Variants in WDR12 observed in about 807,000 individuals in gnomAD.
WDR12 encodes WD repeat domain 12.
A neutral mutation model predicts 64.3 loss-of-function variants in WDR12; 42 were observed. The observed-to-expected ratio is 0.65, with a 90% CI of 0.51 to 0.84. The LOEUF is 0.84. WDR12 is among the 40% of genes least tolerant of loss of function. The pLI is 0.00. For missense variants in WDR12, 469 were observed against 494.6 expected, an observed-to-expected ratio of 0.95 and a Z score of 0.49; for synonymous variants, 158 against 173.3, an observed-to-expected ratio of 0.91 and a Z score of 0.70.
chr2:202,896,493 C>A (rs1394806913), intron 5 of WDR12, among the ~76,000 whole-genome samples: 1 of 151,750 alleles, frequency 6.6e-6, no homozygotes, highest in Non-Finnish European at 1.5e-5. Flanking sequence ...GAGTTTGAGA[C>A]CAGCCTGGCC....
At chr2:202,901,192 C>T in intron 2 of WDR12, 73 bp from the exon 3 acceptor site, 1 of 1,084,266 alleles carries the variant, frequency 9.2e-7, no homozygotes, top group Non-Finnish European at 1.3e-6. Context: ...ATGAGAACTC[C>T]CAAAACAAAC....
intron 2 of WDR12, among the ~76,000 whole-genome samples, chr2:202,907,610 C>G (rs1394142902): frequency 6.6e-6 from 1 of 152,162 alleles, no homozygotes; most frequent in Non-Finnish European, 1.5e-5. Context: ...ATACCAAAAT[C>G]TTTATTCCTT....
Position 202,894,571 on chromosome 2 carries a change from T to A in WDR12, c.655+10A>T, listed in dbSNP as rs895222153. 6.3e-7 allele frequency: 1 copy of A among 1,596,154 alleles called. No individual in the cohort carries two copies. Among genetic ancestry groups the A allele is most frequent in the South Asian group, 1.1e-5 (1 of 87,760 alleles). On this transcript the variant is annotated intron_variant, in intron 7 of 12. Coordinates refer to ENST00000261015, the MANE Select transcript of WDR12 (RefSeq NM_018256.4). ...TTATTAAGTCAAGGTAAAATAAATA[T>A]TTAATTTACCTGTAGACCAGATCTT...
At chr2:202,882,519 G>C (rs532878710) in intron 12 of WDR12, among the ~76,000 whole-genome samples, 192 bp downstream of exon 12, 268 of 152,068 alleles carry the variant, frequency 1.8e-3, no homozygotes, top group Non-Finnish European at 3.1e-3. Context: ...TAGTAGAGAC[G>C]GGGTTCCACC....
At chr2:202,901,243 T>A in intron 2 of WDR12, 124 bp from the exon 3 acceptor site, 1 of 518,220 alleles carries the variant, frequency 1.9e-6, no homozygotes, top group Non-Finnish European at 3.2e-6. Context: ...TTCTCTGTGA[T>A]TTTTAAGATC....
intron 8 of WDR12, among the ~76,000 whole-genome samples, chr2:202,884,953 T>C (rs1186823527): frequency 6.6e-6 from 1 of 152,036 alleles, no homozygotes; most frequent in South Asian, 2.1e-4. Flanking sequence ...ATACAGTTTC[T>C]CCCCCCCTCT....
intron 8 of WDR12, among the ~76,000 whole-genome samples, chr2:202,890,819 A>G (rs920971485): frequency 8.0e-5 from 12 of 150,530 alleles, no homozygotes; most frequent in South Asian, 6.3e-4. Flanking sequence ...TTTAAGCTAC[A>G]TGCCAAACTT....
intron 7 of WDR12, among the ~76,000 whole-genome samples, chr2:202,894,182 G>A (rs1435702454): frequency 6.6e-6 from 1 of 150,638 alleles, no homozygotes; most frequent in African/African-American, 2.4e-5. Context: ...TCTTTTTATG[G>A]CAAAATATGG....
At chr2:202,882,545 G>C (rs1185000677) in intron 12 of WDR12, among the ~76,000 whole-genome samples, 166 bp downstream of exon 12, 1 of 152,034 alleles carries the variant, frequency 6.6e-6, no homozygotes, top group African/African-American at 2.4e-5. Context: ...AGTCAGGATG[G>C]CCTCGATCTC....
At chr2:202,897,925 A>ATATATATATAT (rs1553541969) in intron 4 of WDR12, among the ~76,000 whole-genome samples, 1 of 68,404 alleles carries the variant, frequency 1.5e-5, no homozygotes, top group African/African-American at 4.2e-5. Flanking sequence ...ATATATATAT[A>ATATATATATAT]AAAAATATAT....
chr2:202,894,445 C>T (rs1157603845), intron 7 of WDR12, 136 bp downstream of exon 7: 2 of 650,648 alleles, frequency 3.1e-6, no homozygotes, highest in African/African-American at 1.9e-5. Flanking sequence ...TGCTCTTGAA[C>T]TCGTGGCCTC....
chr2:202,884,120 T>A (rs1177204175), intron 10 of WDR12, 78 bp downstream of exon 10: 1 of 1,470,486 alleles, frequency 6.8e-7, no homozygotes, highest in Admixed American at 2.0e-5. Flanking sequence ...CAGAAATTCC[T>A]TTTTTTGTAC....
At position 202,907,963 on chromosome 2, in the gene WDR12, T is replaced by C; in HGVS notation, c.42-4A>G. 6.2e-7 allele frequency: 1 copy of C among 1,612,826 alleles called. No individual in the cohort carries two copies. Among genetic ancestry groups the C allele is most frequent in the Non-Finnish European group, 8.5e-7 (1 of 1,178,906 alleles). On this transcript the variant is annotated splice_polypyrimidine_tract_variant and splice_region_variant and intron_variant, in intron 1 of 12. Coordinates refer to ENST00000261015, the MANE Select transcript of WDR12 (RefSeq NM_018256.4). ...GGGAACATCATCTACGGCATATCTA[T>C]AAAAAGGAAATGATATGTCAAGATC...
At chr2:202,906,089 GATT>G in intron 2 of WDR12, among the ~76,000 whole-genome samples, 2 of 152,262 alleles carry the variant, frequency 1.3e-5, no homozygotes, top group East Asian at 3.9e-4. Flanking sequence ...ACCCTGATGT[GATT>G]ATTACACCTT....
At chr2:202,904,239 GAATTT>G (rs1341846454) in intron 2 of WDR12, among the ~76,000 whole-genome samples, 1 of 146,414 alleles carries the variant, frequency 6.8e-6, no homozygotes, top group Non-Finnish European at 1.5e-5. Flanking sequence ...TGGATTGGAA[GAATTT>G]AATATTGTTA....
chr2:202,892,317 T>G (rs1390526061), intron 8 of WDR12, among the ~76,000 whole-genome samples: 1 of 152,166 alleles, frequency 6.6e-6, no homozygotes, highest in Non-Finnish European at 1.5e-5. Context: ...TTCACTTTAG[T>G]GTAAGTTTTA....
Position 202,880,106 on chromosome 2 carries a change from A to G in WDR12, c.*754T>C, listed in dbSNP as rs1687924073. ...TTTTCTTGAACATTTATTCTGCCAA[A>G]AGGAACTGAATTTCTAACTTTTTCT... On this transcript the variant is annotated 3_prime_UTR_variant, in exon 13 of 13. Transcript: ENST00000261015. 6.6e-6 allele frequency: 1 copy of G among 152,114 alleles called. No individual in the cohort carries two copies. 9.4% of individuals were successfully genotyped at this position (152,114 alleles called of 1,614,324 possible).
chr2:202,878,820 T>C lies in WDR12; in HGVS notation c.*2040A>G, dbSNP rs1200901825. The C allele has an allele frequency of 1.3e-5, 2 of 152,220 alleles. No homozygotes were observed. The highest frequency in any genetic ancestry group is 4.8e-5 in the African/African-American group (2 of 41,448). The allele number at this position is 152,220 out of a possible 1,614,324, so 9.4% of individuals were successfully genotyped here. On this transcript the variant is annotated 3_prime_UTR_variant, in exon 13 of 13. Coordinates refer to ENST00000261015, the MANE Select transcript of WDR12 (RefSeq NM_018256.4). ...ACTAAAAGGTTGTGAATGCTCTACT[T>C]AAGGAGTATCAATCCATTAATAATG...
intron 8 of WDR12, among the ~76,000 whole-genome samples, chr2:202,887,781 G>A (rs1386316580): frequency 6.6e-6 from 1 of 151,144 alleles, no homozygotes; most frequent in African/African-American, 2.4e-5. Context: ...CCAGCTACTC[G>A]GGAGGCTGAG....
Sources: allele counts gnomAD v4.1 joint callset (sites outside exome capture counted in the v4.1 genomes callset), GRCh38; gene constraint gnomAD v4.1.1; transcripts MANE v1.5; gene names NCBI Gene and HGNC (gene_info 2026-07-23, HGNC 2026-07-21).